Variants in AKT1 observed in about 807,000 individuals in gnomAD.
AKT1 encodes the protein RAC-alpha serine/threonine-protein kinase.
In AKT1, 21 loss-of-function variants were observed where a neutral mutation model predicts 63.1. The ratio of observed to expected loss-of-function variants is 0.33; its 90% CI spans 0.24 to 0.48. The LOEUF is 0.48. Ranked by LOEUF, AKT1 falls within the 20% of genes least tolerant of loss-of-function variation. AKT1 has a pLI of 0.99. For synonymous variants in AKT1, 257 were observed against 253.1 expected, an observed-to-expected ratio of 1.02 and a Z score of -0.15; for missense variants, 382 against 666.0, an observed-to-expected ratio of 0.57 and a Z score of 4.69.
rs377425503 is a variant in AKT1 at position 104,782,249 on chromosome 14, G to A, written c.47-2033C>T. 1.1e-4 allele frequency among the ~76,000 whole-genome samples: 17 copies of A among 151,586 alleles called. No individual in the cohort carries two copies. In the East Asian group the frequency reaches 3.1e-3, roughly 28 times the overall value. ...GCCTGCATGCCAGTCTGGAGCTGTCGGCCCCTGATGGAGTGCCTCCCATCC... is the reference window on the plus strand; with the variant it reads ...GCCTGCATGCCAGTCTGGAGCTGTCAGCCCCTGATGGAGTGCCTCCCATCC... On this transcript the variant is annotated intron_variant, in intron 3 of 14. Coordinates refer to ENST00000649815, the MANE Select transcript of AKT1 (RefSeq NM_001382430.1).
intron 3 of AKT1, among the ~76,000 whole-genome samples, chr14:104,790,862 G>A (rs1192374535): frequency 6.6e-6 from 1 of 152,200 alleles, no homozygotes; most frequent in Non-Finnish European, 1.5e-5. Context: ...ACCGCTCCCT[G>A]GTGTAGATGG....
chr14:104,780,762 A>G (rs554970441), intron 3 of AKT1, among the ~76,000 whole-genome samples: 1 of 140,650 alleles, frequency 7.1e-6, no homozygotes, highest in East Asian at 2.4e-4. Flanking sequence ...CATGGCGTCC[A>G]CAGTTAGAGG....
chr14:104,781,654 G>A (rs1052347443), intron 3 of AKT1, among the ~76,000 whole-genome samples: 1 of 152,256 alleles, frequency 6.6e-6, no homozygotes, highest in East Asian at 1.9e-4. Context: ...ACCACGGGGC[G>A]TGGTCTCCAC....
At chr14:104,770,945 AG>A in intron 13 of AKT1, 98 bp from the exon 14 acceptor site, 1 of 1,046,990 alleles carries the variant, frequency 9.6e-7, no homozygotes, top group South Asian at 1.4e-5. Context: ...TGGATCTCCA[AG>A]GGGTCTCCAG....
In AKT1 at chr14:104,772,404, G is replaced by A; in HGVS notation, c.1221C>T (p.Phe407=). The A allele has an allele frequency of 6.2e-7, 1 of 1,613,872 alleles. No homozygotes were observed. Among genetic ancestry groups the A allele is most frequent in the Non-Finnish European group, 8.5e-7 (1 of 1,180,046 alleles). Residue 407 remains phenylalanine (F), a synonymous_variant, in exon 13 of 15, where the codon TTC becomes TTT. Coordinates refer to ENST00000649815, the MANE Select transcript of AKT1 (RefSeq NM_001382430.1). The stretch of plus-strand genomic sequence containing the variant: ...CGTGCTGCCACACGATACCGGCAAA[G>A]AAGCGATGCTGCATGATCTCCTTGG... ...EDAKEIMQHR[F]FAGIVWQHVY...
At chr14:104,781,669 C>G (rs1893053748) in intron 3 of AKT1, among the ~76,000 whole-genome samples, 1 of 152,190 alleles carries the variant, frequency 6.6e-6, no homozygotes, top group African/African-American at 2.4e-5. Context: ...CTCCACAAGA[C>G]CAGCCCTCTC....
In AKT1 at chr14:104,772,408, C is replaced by T. The variant is rs143266084; in HGVS notation, c.1217G>A (p.Arg406His). Residue 406 changes from arginine to histidine, a missense_variant, in exon 13 of 15, where the codon CGC becomes CAC. By Grantham distance (29) the Arg-to-His change is conservative. Around this residue, in one of 3 missense-constraint regions of AKT1, gnomAD observed 90 missense variants for 120.5 expected, o/e 0.75. Transcript: ENST00000649815. ...SEDAKEIMQH[R>H]FFAGIVWQHV... ...CTGCCACACGATACCGGCAAAGAAG[C>T]GATGCTGCATGATCTCCTTGGCGTC... 2.5e-6 allele frequency: 4 copies of T among 1,613,692 alleles called. No individual in the cohort carries two copies. The highest frequency in any genetic ancestry group is 2.2e-5 in the East Asian group (1 of 44,892).
intron 4 of AKT1, chr14:104,778,623 C>T (rs1255908011): frequency 1.3e-5 from 2 of 152,454 alleles, no homozygotes; most frequent in African/African-American, 4.8e-5. Flanking sequence ...CACAGACCAC[C>T]TAGCAGCCAG....
intron 4 of AKT1, chr14:104,777,619 G>A (rs1009193097): frequency 4.6e-5 from 46 of 991,598 alleles, no homozygotes; most frequent in Middle Eastern, 5.1e-4. Context: ...CTGTGGGAAC[G>A]TGCGGGGCCC....
rs41307094 is a variant in AKT1 at position 104,770,040 on chromosome 14, G to A, written c.*301C>T. 0.018 allele frequency: 9,155 copies of A among 499,894 alleles called. 205 individuals carry two copies. The highest frequency in any genetic ancestry group is 0.069 in the South Asian group (3,314 of 48,306). 31.0% of individuals were successfully genotyped at this position (499,894 alleles called of 1,614,324 possible). The stretch of plus-strand genomic sequence containing the variant: ...GCCCGGCCCCCCAATGCCACATTGC[G>A]CATAGCTGCAGAAGTCCTTAACATT... On this transcript the variant is annotated 3_prime_UTR_variant, in exon 15 of 15. Coordinates refer to ENST00000649815, the MANE Select transcript of AKT1 (RefSeq NM_001382430.1).
rs1171160211 is a variant in AKT1 at position 104,773,071 on chromosome 14, C to T, written c.979G>A (p.Gly327Ser). Residue 327 changes from glycine (G) to serine (S), a missense_variant, in exon 12 of 15, where the codon GGC becomes AGC. Transcript: ENST00000649815. ...APEVLEDNDY[G>S]RAVDWWGLGV... is the part of the protein sequence containing the mutation. ...AGCCCCCACCAGTCCACTGCACGGC[C>T]GTAGTCATTGTCCTCCAGCACCTGC... 4 of 1,613,986 alleles carry T rather than the reference C, an allele frequency of 2.5e-6. No individual in the cohort carries two copies. The highest frequency in any genetic ancestry group is 1.6e-4 in the Middle Eastern group (1 of 6,084).
chr14:104,773,120 C>T (rs771516815), intron 11 of AKT1, 28 bp from the exon 12 acceptor site: 18 of 1,612,854 alleles, frequency 1.1e-5, no homozygotes, highest in South Asian at 7.7e-5. Context: ...GGGCAGGACT[C>T]GGCATCAAGG....
In AKT1 at chr14:104,773,513, A is replaced by G. The variant is rs1555383511; in HGVS notation, c.770T>C (p.Ile257Thr). Reference protein sequence around the residue: ...EDRARFYGAEIVSALDYLHSE... With the variant: ...EDRARFYGAETVSALDYLHSE... ...GTGCAGGTAGTCCAGGGCTGACACAATCTCAGCGCCATAGAAGCGGGCCCG... is the reference window on the plus strand; with the variant it reads ...GTGCAGGTAGTCCAGGGCTGACACAGTCTCAGCGCCATAGAAGCGGGCCCG... Residue 257 changes from isoleucine (I) to threonine (T), a missense_variant, in exon 10 of 15, where the codon ATT (isoleucine) becomes ACT (threonine). Around this residue, in one of 3 missense-constraint regions of AKT1, gnomAD observed 226 missense variants for 366.4 expected, o/e 0.62. Coordinates refer to ENST00000649815, the MANE Select transcript of AKT1 (RefSeq NM_001382430.1). The G allele has an allele frequency of 1.2e-6, 2 of 1,613,696 alleles. No homozygotes were observed. The highest frequency in any genetic ancestry group is 3.3e-4 in the Middle Eastern group (2 of 6,062).
Position 104,775,698 on chromosome 14 carries a change from C to T in AKT1, c.389G>A (p.Gly130Glu). Residue 130 changes from glycine (G) to glutamate (E), a missense_variant, in exon 6 of 15, where the codon GGG (glycine) becomes GAG (glutamate). This residue lies in a region of AKT1 where 226 missense variants were observed against 366.4 expected (regional missense o/e 0.62). Transcript: ENST00000649815. ...FRSGSPSDNS[G>E]AEEMEVSLAK... ...CAGGGACACCTCCATCTCTTCAGCC[C>T]CTGAGTTGTCACTGGGTGAGCCCGA... The T allele has an allele frequency of 1.2e-6, 2 of 1,614,076 alleles. No homozygotes were observed. The highest frequency in any genetic ancestry group is 1.7e-6 in the Non-Finnish European group (2 of 1,179,988).
rs1373202839 is a variant in AKT1 at position 104,770,801 on chromosome 14, C to T, written c.1307G>A (p.Arg436Lys). 6.2e-7 allele frequency: 1 copy of T among 1,614,130 alleles called. No individual in the cohort carries two copies. Among genetic ancestry groups the T allele is most frequent in the Non-Finnish European group, 8.5e-7 (1 of 1,180,022 alleles). The change falls in exon 14 of 15, where the codon AGG becomes AAG. Residue 436 changes from arginine (R) to lysine (K), a missense_variant. Transcript: ENST00000649815. ...KPQVTSETDT[R>K]YFDEEFTAQM... ...GGCCGTGAACTCCTCATCAAAATACCTGGTGTCAGTCTCCGACGTGACCTG... is the reference window on the plus strand; with the variant it reads ...GGCCGTGAACTCCTCATCAAAATACTTGGTGTCAGTCTCCGACGTGACCTG...
chr14:104,793,077 C>T (rs1893710706), intron 2 of AKT1, 50 bp downstream of exon 2: 1 of 273,874 alleles, frequency 3.7e-6, no homozygotes, highest in African/African-American at 2.1e-5. Flanking sequence ...CTCCCCCAGC[C>T]GTTGGACAAA....
intron 3 of AKT1, among the ~76,000 whole-genome samples, chr14:104,788,744 A>G (rs1595260894): frequency 6.6e-6 from 1 of 152,130 alleles, no homozygotes; most frequent in African/African-American, 2.4e-5. Flanking sequence ...CAGCCTAGGC[A>G]CCTGCTTGGG....
chr14:104,776,788 C>T lies in AKT1; in HGVS notation c.176-18G>A. On this transcript the variant is annotated intron_variant, in intron 4 of 14. Transcript: ENST00000649815. ...CTGGCACTCTGCGGGCAGGCAGAGC[C>T]TCTGTCTGCGTGCATCCCCCTGCCC... The T allele has an allele frequency of 6.2e-7, 1 of 1,606,824 alleles. No individual in the cohort carries two copies. The highest frequency in any genetic ancestry group is 8.5e-7 in the Non-Finnish European group (1 of 1,176,004).
intron 4 of AKT1, among the ~76,000 whole-genome samples, chr14:104,779,128 A>G (rs1892887750): frequency 6.6e-6 from 1 of 152,172 alleles, no homozygotes; most frequent in Admixed American, 6.5e-5. Flanking sequence ...CTGGGTCTCC[A>G]TGCCAGGGTT....
Sources: gnomAD v4.1 joint callset for allele counts (sites outside exome capture counted in the v4.1 genomes callset) on GRCh38, gnomAD v4.1.1 for gene constraint, gnomAD v4.1.1 regional missense constraint, MANE v1.5 for transcripts, NCBI Gene and HGNC (gene_info 2026-07-23, HGNC 2026-07-21) for gene names.